DLGAP1: variants seen among roughly 807,000 people sequenced by gnomAD.
The protein encoded by DLGAP1 is DLG associated protein 1, also known as disks large-associated protein 1.
Under a neutral mutation model 90.8 loss-of-function variants are expected in DLGAP1, and 11 were observed. The ratio of observed to expected loss-of-function variants is 0.12; its 90% confidence interval spans 0.08 to 0.20. The LOEUF (loss-of-function observed/expected upper bound fraction) is 0.20. Ranked by LOEUF, DLGAP1 falls within the 10% of genes least tolerant of loss-of-function variation. The pLI is 1.00. For synonymous variants in DLGAP1, 558 were observed against 540.7 expected (o/e 1.03, Z -0.44); for missense variants, 1,050 against 1,333.8 (o/e 0.79, Z 3.31).
At chr18:3,682,530 C>G (rs562972011) in intron 7 of DLGAP1, among the ~76,000 whole-genome samples, 1 of 152,334 alleles carries the variant, frequency 6.6e-6, no homozygotes, top group African/African-American at 2.4e-5. Context: ...GCCCGATCCT[C>G]TCTCTGTTTC....
At chr18:3,709,176 T>C (rs1388918354) in intron 7 of DLGAP1, among the ~76,000 whole-genome samples, 2 of 152,114 alleles carry the variant, frequency 1.3e-5, no homozygotes, top group Admixed American at 6.6e-5. Context: ...AAAAACTACA[T>C]AGAAGAACCC....
intron 3 of DLGAP1, among the ~76,000 whole-genome samples, chr18:3,944,909 G>A (rs994227447): frequency 6.6e-6 from 1 of 152,196 alleles, no homozygotes; most frequent in Non-Finnish European, 1.5e-5. Flanking sequence ...AAGTGTGAAT[G>A]TGGCTCTTTT....
chr18:4,015,436 A>G (rs114428591), intron 2 of DLGAP1, among the ~76,000 whole-genome samples: 186 of 152,266 alleles, frequency 1.2e-3, no homozygotes, highest in African/African-American at 4.4e-3. Flanking sequence ...TGATTTTGGT[A>G]TCCTTACTCT....
intron 7 of DLGAP1, among the ~76,000 whole-genome samples, chr18:3,689,572 G>A (rs1232794408): frequency 2.4e-4 from 36 of 152,050 alleles, no homozygotes; most frequent in Admixed American, 2.4e-3. Flanking sequence ...TCAGTGGGAA[G>A]CTGATATGTG....
intron 2 of DLGAP1, among the ~76,000 whole-genome samples, chr18:4,071,175 G>T (rs2075441172): frequency 6.6e-6 from 1 of 151,660 alleles, no homozygotes; most frequent in Admixed American, 6.6e-5. Flanking sequence ...TATTTCCTTA[G>T]AATTGATTTT....
At chr18:4,055,932 C>T (rs558924501) in intron 2 of DLGAP1, among the ~76,000 whole-genome samples, 15 of 149,248 alleles carry the variant, frequency 1.0e-4, no homozygotes, top group African/African-American at 2.2e-4. Flanking sequence ...ACTGTTGCCA[C>T]GGCTGATTCT....
At chr18:3,602,317 C>T (rs1271327564) in intron 7 of DLGAP1, among the ~76,000 whole-genome samples, 3 of 151,882 alleles carry the variant, frequency 2.0e-5, no homozygotes, top group Non-Finnish European at 4.4e-5. Context: ...TTGTTTTGGC[C>T]GGGCGCGGTG....
At chr18:3,782,325 C>T (rs543984909) in intron 5 of DLGAP1, among the ~76,000 whole-genome samples, 5 of 152,092 alleles carry the variant, frequency 3.3e-5, no homozygotes, top group Admixed American at 6.6e-5. Context: ...TTAGTAGAGA[C>T]GGGGTTTCAC....
At chr18:3,779,996 C>T (rs926453681) in intron 5 of DLGAP1, among the ~76,000 whole-genome samples, 1 of 151,974 alleles carries the variant, frequency 6.6e-6, no homozygotes, top group Admixed American at 6.6e-5. Flanking sequence ...ATATGTTGGC[C>T]AGGCTGGTCT....
At chr18:4,031,697 T>G (rs1043666108) in intron 2 of DLGAP1, among the ~76,000 whole-genome samples, 16 of 152,292 alleles carry the variant, frequency 1.1e-4, no homozygotes, top group Admixed American at 2.0e-4. Context: ...GAGGGATCTG[T>G]CTGATGATAA....
Position 3,775,094 on chromosome 18 carries a change from G to A in DLGAP1, c.1173-32582C>T, listed in dbSNP as rs142967749. 2.6e-5 allele frequency among the ~76,000 whole-genome samples: 4 copies of A among 152,186 alleles called. No individual in the cohort carries two copies. The highest frequency in any genetic ancestry group is 9.7e-5 in the African/African-American group (4 of 41,438). ...CCCACAGGCTTTGTCCCAGGTCACT[G>A]TGTGTTCTTTAAGCCCATTGAACTC... On this transcript the variant is annotated intron_variant, in intron 5 of 12. Coordinates refer to ENST00000315677, the MANE Select transcript of DLGAP1 (RefSeq NM_004746.4). The surrounding 1 kb of genome is among the most constrained non-coding windows in gnomAD (Gnocchi z 4.9).
At chr18:3,764,970 T>C (rs1035836670) in intron 5 of DLGAP1, among the ~76,000 whole-genome samples, 1 of 152,112 alleles carries the variant, frequency 6.6e-6, no homozygotes, top group African/African-American at 2.4e-5. Flanking sequence ...GCAACCTCAG[T>C]GGGTGCCAGA....
intron 9 of DLGAP1, among the ~76,000 whole-genome samples, chr18:3,537,895 T>C (rs1407086907): frequency 6.6e-6 from 1 of 152,220 alleles, no homozygotes; most frequent in Non-Finnish European, 1.5e-5. Flanking sequence ...TGTTGGCCAG[T>C]TGATTTTCAA....
chr18:4,371,308 G>A (rs148412649), intron 1 of DLGAP1, among the ~76,000 whole-genome samples: 2 of 152,372 alleles, frequency 1.3e-5, no homozygotes, highest in African/African-American at 4.8e-5. Context: ...GGCTGAGAGA[G>A]AAGAGCAATG....
chr18:3,546,818 G>A (rs899034906), intron 9 of DLGAP1, among the ~76,000 whole-genome samples: 32 of 152,098 alleles, frequency 2.1e-4, no homozygotes, highest in African/African-American at 7.5e-4. Context: ...AAAAATAGAA[G>A]AGCGAATGCA....
intron 3 of DLGAP1, among the ~76,000 whole-genome samples, chr18:3,892,506 C>T (rs1021935844): frequency 4.6e-5 from 7 of 152,096 alleles, no homozygotes; most frequent in African/African-American, 1.7e-4. Context: ...AGAGTAGGTA[C>T]AAATATAGCC....
chr18:3,577,590 C>A (rs2055232139), intron 8 of DLGAP1, among the ~76,000 whole-genome samples: 1 of 152,116 alleles, frequency 6.6e-6, no homozygotes, highest in Non-Finnish European at 1.5e-5. Flanking sequence ...ATCCTCAATG[C>A]ATGAAAAAGA....
In DLGAP1 at chr18:3,499,558, C is replaced by T. The variant is rs1377721983; in HGVS notation, c.2725-164G>A. On this transcript the variant is annotated intron_variant, in intron 12 of 12. Transcript: ENST00000315677. This position sits in a 1 kb window ranked among gnomAD's most constrained non-coding sequence, Gnocchi z 6.4. Reference sequence around the variant, plus strand: ...TTTTTCTTCATTATTCTGGCTTGGGCATTCAAAAGATGCAGAAAAAAAAAA... The same window carrying T: ...TTTTTCTTCATTATTCTGGCTTGGGTATTCAAAAGATGCAGAAAAAAAAAA... Among the ~76,000 whole-genome samples, 3 of 149,818 alleles carry T rather than the reference C, an allele frequency of 2.0e-5. No individual in the cohort carries two copies. The South Asian group carries it at 6.3e-4, about 31-fold the overall frequency.
intron 4 of DLGAP1, among the ~76,000 whole-genome samples, chr18:3,854,916 A>G (rs1179180831): frequency 6.6e-6 from 1 of 152,218 alleles, no homozygotes. Flanking sequence ...CTATGACACC[A>G]TAAGCTAAGA....
Sources: gnomAD v4.1 joint callset for allele counts (sites outside exome capture counted in the v4.1 genomes callset) on GRCh38, gnomAD v4.1.1 for gene constraint, Gnocchi (gnomAD v3.1) non-coding constraint, MANE v1.5 for transcripts, NCBI Gene and HGNC (gene_info 2026-07-23, HGNC 2026-07-21) for gene names.